CFAP44: variants seen among roughly 807,000 people sequenced by gnomAD.
The protein encoded by CFAP44 is cilia- and flagella-associated protein 44.
Under a neutral mutation model 216.2 loss-of-function variants are expected in CFAP44, and 134 were observed. The ratio of observed to expected loss-of-function variants is 0.62; its 90% CI spans 0.54 to 0.72. CFAP44 has a LOEUF of 0.72. CFAP44 is among the 30% of genes least tolerant of loss of function. The pLI, the probability that CFAP44 is intolerant of heterozygous loss-of-function variation, is 0.00. For synonymous variants in CFAP44, 700 were observed against 727.6 expected, an observed-to-expected ratio of 0.96 and a Z score of 0.61; for missense variants, 2,035 against 2,182.1, an observed-to-expected ratio of 0.93 and a Z score of 1.34.
intron 8 of CFAP44, among the ~76,000 whole-genome samples, chr3:113,404,664 G>A (rs1431450695): frequency 1.3e-5 from 2 of 152,094 alleles, no homozygotes; most frequent in African/African-American, 4.8e-5. Context: ...ACATTTATCA[G>A]GGATACCATG....
chr3:113,339,003 G>GAATC (rs1950306824), intron 24 of CFAP44, among the ~76,000 whole-genome samples: 1 of 152,146 alleles, frequency 6.6e-6, no homozygotes, highest in Admixed American at 6.5e-5. Context: ...CAGGAGGGCT[G>GAATC]AATCAATCAA....
At position 113,305,155 on chromosome 3, in the gene CFAP44, G is replaced by A. The variant is rs2270784; in HGVS notation, c.4759-3C>T. 0.022 allele frequency: 33,998 copies of A among 1,536,622 alleles called. 476 individuals are homozygous for A. The highest frequency in any genetic ancestry group is 0.062 in the East Asian group (2,533 of 40,910). The stretch of plus-strand genomic sequence containing the variant: ...AGATTAGTTGCCACAATTTTCACCT[G>A]TAGAAAGCCCCGTGTTGTGAAATGG... On this transcript the variant is annotated splice_region_variant and splice_polypyrimidine_tract_variant and intron_variant, in intron 30 of 34. Transcript: ENST00000393845.
chr3:113,423,275 T>C (rs1004836731), intron 4 of CFAP44, among the ~76,000 whole-genome samples: 6 of 151,874 alleles, frequency 4.0e-5, no homozygotes, highest in African/African-American at 1.5e-4. Flanking sequence ...CCACCACACC[T>C]GGCTAATTTT....
At position 113,291,627 on chromosome 3, in the gene CFAP44, C is replaced by A. The variant is rs1368847426; in HGVS notation, c.5495G>T (p.Arg1832Met). The change falls in exon 35 of 35, where the codon AGG becomes ATG. Residue 1832 changes from arginine (R) to methionine (M), a missense_variant. Arg to Met is a moderately conservative substitution (Grantham distance 91). Coordinates refer to ENST00000393845, the MANE Select transcript of CFAP44 (RefSeq NM_001164496.2). ...GGGTGGGAGGATAAGACTGCCTTTCCTACGCAAAAGAGCAATCTCCTCCTT... is the reference window on the plus strand; with the variant it reads ...GGGTGGGAGGATAAGACTGCCTTTCATACGCAAAAGAGCAATCTCCTCCTT... ...ALKEEIALLR[R>M]KGSLILPPIQ... 6.5e-7 allele frequency: 1 copy of A among 1,537,266 alleles called. No individual in the cohort carries two copies. Among genetic ancestry groups the A allele is most frequent in the Non-Finnish European group, 8.7e-7 (1 of 1,146,918 alleles).
Position 113,365,885 on chromosome 3 carries a change from C to T in CFAP44, c.2715+154G>A, listed in dbSNP as rs538195918. Among the ~76,000 whole-genome samples, 9 of 151,924 alleles carry T rather than the reference C, an allele frequency of 5.9e-5. No individual in the cohort carries two copies. In the South Asian group the frequency reaches 1.9e-3, roughly 32 times the overall value. ...ATACCTTTAATATTTGATATATAAG[C>T]ACCAGAAAGTCAAATTATAATAGTA... On this transcript the variant is annotated intron_variant, in intron 19 of 34. Coordinates refer to ENST00000393845, the MANE Select transcript of CFAP44 (RefSeq NM_001164496.2).
chr3:113,357,031 C>T (rs1950498019), intron 22 of CFAP44, among the ~76,000 whole-genome samples: 1 of 152,054 alleles, frequency 6.6e-6, no homozygotes, highest in South Asian at 2.1e-4. Context: ...ATACATAATT[C>T]CTGCAACCCA....
intron 22 of CFAP44, among the ~76,000 whole-genome samples, chr3:113,355,554 C>A (rs1028717017): frequency 6.6e-6 from 1 of 152,136 alleles, no homozygotes; most frequent in African/African-American, 2.4e-5. Flanking sequence ...AGGATGAGTT[C>A]ATGTCCTTTG....
chr3:113,394,910 T>C (rs1016235367), intron 15 of CFAP44, among the ~76,000 whole-genome samples: 3 of 152,234 alleles, frequency 2.0e-5, no homozygotes, highest in Admixed American at 1.3e-4. Flanking sequence ...AAGGTATATT[T>C]AACTTTTTAA....
intron 24 of CFAP44, among the ~76,000 whole-genome samples, chr3:113,339,117 C>G (rs1187029426): frequency 6.6e-6 from 1 of 152,180 alleles, no homozygotes; most frequent in Non-Finnish European, 1.5e-5. Flanking sequence ...AAAATTCCAA[C>G]TGCTGAATGG....
In CFAP44 at chr3:113,288,571, G is replaced by A. The variant is rs1472406854; in HGVS notation, c.*2986C>T. 6.6e-6 allele frequency: 1 copy of A among 152,176 alleles called. No individual in the cohort carries two copies. Among genetic ancestry groups the A allele is most frequent in the African/African-American group, 2.4e-5 (1 of 41,424 alleles). 9.4% of individuals were successfully genotyped at this position (152,176 alleles called of 1,614,324 possible). The stretch of plus-strand genomic sequence containing the variant: ...TTGCTATCCAGAGGCCCCCCAATCT[G>A]AGCTGTAACTCACCTTCTAGCCCCA... On this transcript the variant is annotated 3_prime_UTR_variant, in exon 35 of 35. Transcript: ENST00000393845.
At chr3:113,293,204 C>T (rs1396378673) in intron 34 of CFAP44, among the ~76,000 whole-genome samples, 1 of 152,212 alleles carries the variant, frequency 6.6e-6, no homozygotes, top group Non-Finnish European at 1.5e-5. Flanking sequence ...TCCCCTTCTC[C>T]TCACCAGACT....
At chr3:113,325,313 A>G (rs1251682147) in intron 28 of CFAP44, among the ~76,000 whole-genome samples, 1 of 152,000 alleles carries the variant, frequency 6.6e-6, no homozygotes, top group Non-Finnish European at 1.5e-5. Context: ...AAAAAAAAAA[A>G]AAAATCACTA....
intron 1 of CFAP44, chr3:113,435,040 A>T (rs531895164): frequency 3.9e-4 from 59 of 152,314 alleles, no homozygotes; most frequent in African/African-American, 1.3e-3. Context: ...CATTGTCTAA[A>T]CATTTGTATT....
At chr3:113,353,453 TACACACACACACACAC>T (rs34714015) in intron 22 of CFAP44, among the ~76,000 whole-genome samples, 141 of 141,830 alleles carry the variant, frequency 9.9e-4, no homozygotes, top group African/African-American at 3.0e-3. Flanking sequence ...TATGTATGAA[TACACACACACACACAC>T]ACACACACAC....
chr3:113,335,934 TA>T (rs1950278765), intron 24 of CFAP44, among the ~76,000 whole-genome samples: 1 of 152,240 alleles, frequency 6.6e-6, no homozygotes, highest in South Asian at 2.1e-4. Context: ...AATAGGAAGA[TA>T]TTTTTTAAAC....
At position 113,396,740 on chromosome 3, in the gene CFAP44, T is replaced by TA; in HGVS notation, c.1570-14dup. 1 of 1,611,492 alleles carries TA rather than the reference T, an allele frequency of 6.2e-7. No individual in the cohort carries two copies. The highest frequency in any genetic ancestry group is 8.5e-7 in the Non-Finnish European group (1 of 1,178,256). ...CAGTGAAGTTTACCTTGGAGAAAAT[T>TA]AAAGATAAGGGACCTGAAACTAGTT... is the stretch of plus-strand genomic sequence containing the variant. On this transcript the variant is annotated splice_polypyrimidine_tract_variant and intron_variant, in intron 13 of 34. Coordinates refer to ENST00000393845, the MANE Select transcript of CFAP44 (RefSeq NM_001164496.2).
chr3:113,410,131 CT>C (rs1455747742), intron 6 of CFAP44, among the ~76,000 whole-genome samples: 1 of 152,072 alleles, frequency 6.6e-6, no homozygotes, highest in African/African-American at 2.4e-5. Context: ...TATTCCTTTA[CT>C]TTCTTAATAA....
Position 113,287,867 on chromosome 3 carries a change from C to G in CFAP44, c.*3690G>C, listed in dbSNP as rs768628030. ...GGACATATGGTGCATAATAAATTCA[C>G]TTCCCTTCTTTCCAAAGATACACCA... On this transcript the variant is annotated 3_prime_UTR_variant, in exon 35 of 35. Transcript: ENST00000393845. The G allele has an allele frequency of 4.6e-5, 7 of 152,258 alleles. No individual in the cohort carries two copies. Among genetic ancestry groups the G allele is most frequent in the Non-Finnish European group, 8.8e-5 (6 of 68,040 alleles). The allele number at this position is 152,258 out of a possible 1,614,324, so 9.4% of individuals were successfully genotyped here. A position where few individuals can be genotyped will look rare whatever the true frequency, so the allele number is the denominator to read the frequency against.
At position 113,306,287 on chromosome 3, in the gene CFAP44, T is replaced by C. The variant is rs1949984781; in HGVS notation, c.4672A>G (p.Lys1558Glu). ...AAAGCCTCCTCAATGTCCAGCCTTTTCTCTCGAAGGTGAAGGGCCAGCTCA... is the reference window on the plus strand; with the variant it reads ...AAAGCCTCCTCAATGTCCAGCCTTTCCTCTCGAAGGTGAAGGGCCAGCTCA... The part of the protein sequence containing the change: ...LFELALHLRE[K>E]RLDIEEALVE... The change falls in exon 30 of 35, where the codon AAA becomes GAA. Residue 1558 changes from lysine (K) to glutamate (E), a missense_variant. Coordinates refer to ENST00000393845, the MANE Select transcript of CFAP44 (RefSeq NM_001164496.2). 6.5e-7 allele frequency: 1 copy of C among 1,536,926 alleles called. No individual in the cohort carries two copies. The highest frequency in any genetic ancestry group is 8.7e-7 in the Non-Finnish European group (1 of 1,146,760).
Sources: allele counts gnomAD v4.1 joint callset (sites outside exome capture counted in the v4.1 genomes callset), GRCh38; gene constraint gnomAD v4.1.1; transcripts MANE v1.5; gene names NCBI Gene and HGNC (gene_info 2026-07-23, HGNC 2026-07-21).